The following USP40 variants were observed in gnomAD, a reference collection of about 807,000 sequenced individuals.
USP40 encodes the protein ubiquitin specific peptidase 40, also known as ubiquitin carboxyl-terminal hydrolase 40.
In USP40, 143 loss-of-function variants were observed where a neutral mutation model predicts 166.2. The observed-to-expected ratio is 0.86, with a 90% CI of 0.75 to 0.99. The LOEUF (loss-of-function observed/expected upper bound fraction) is 0.99, where lower values mean the gene tolerates loss of function less well. Ranked by LOEUF, USP40 falls within the 50% of genes least tolerant of loss-of-function variation. USP40 has a pLI of 0.00. For missense variants in USP40, 1,444 were observed against 1,479.7 expected (o/e 0.98, Z 0.40); for synonymous variants, 498 against 524.0 (o/e 0.95, Z 0.68).
At chr2:233,561,021 G>A (rs777923863) in intron 3 of USP40, 21 of 1,085,424 alleles carry the variant, frequency 1.9e-5, no homozygotes, top group Non-Finnish European at 1.5e-5. Flanking sequence ...TAGGGTATAG[G>A]CCAAGTCACT....
At chr2:233,543,317 G>C (rs374208509) in intron 8 of USP40, among the ~76,000 whole-genome samples, 1 of 152,154 alleles carries the variant, frequency 6.6e-6, no homozygotes, top group Admixed American at 6.5e-5. Context: ...AAAAATGCTA[G>C]ATAAAGTAAA....
chr2:233,520,548 C>T (rs560126445), intron 17 of USP40, among the ~76,000 whole-genome samples: 9 of 152,084 alleles, frequency 5.9e-5, no homozygotes, highest in African/African-American at 1.7e-4. Flanking sequence ...CTTTTAAGAA[C>T]ACCTGGCTTT....
At chr2:233,499,793 T>C (rs550382784) in intron 22 of USP40, 86 bp downstream of exon 22, 2 of 1,171,784 alleles carry the variant, frequency 1.7e-6, no homozygotes, top group Non-Finnish European at 1.2e-6. Flanking sequence ...TATAAATTTT[T>C]TTTTCCTACA....
intron 13 of USP40, among the ~76,000 whole-genome samples, chr2:233,526,331 T>A (rs986156551): frequency 1.3e-5 from 2 of 152,134 alleles, no homozygotes; most frequent in African/African-American, 4.8e-5. Context: ...GTGAATAAGA[T>A]CCTTTCCATT....
At chr2:233,492,173 A>G (rs1392019027) in intron 25 of USP40, among the ~76,000 whole-genome samples, 3 of 152,250 alleles carry the variant, frequency 2.0e-5, no homozygotes, top group Non-Finnish European at 4.4e-5. Context: ...TAGATACACA[A>G]ACACCTGCCA....
intron 30 of USP40, among the ~76,000 whole-genome samples, 178 bp downstream of exon 30, chr2:233,485,353 A>C (rs1288421791): frequency 6.6e-6 from 1 of 152,160 alleles, no homozygotes; most frequent in African/African-American, 2.4e-5. Context: ...TTGGATACTG[A>C]GGTTTCAGTG....
chr2:233,481,225 G>A lies in USP40; in HGVS notation c.3577C>T (p.Arg1193Trp), dbSNP rs550603137. Residue 1193 changes from arginine to tryptophan, a missense_variant, in exon 31 of 32, where the codon CGG becomes TGG. By Grantham distance (101) the Arg-to-Trp change is moderately radical (BLOSUM62 -3). Transcript: ENST00000678225. ...DDTGKEKQKQ[R>W]ALGRRKSQEA... ...TACCTTTTCCTTCTCCCCAGGGCCC[G>A]TTGTTTCTGCTTTTCTTTTCCAGTG... 3.5e-5 allele frequency: 56 copies of A among 1,607,450 alleles called. No individual in the cohort carries two copies. The South Asian group carries it at 3.7e-4, about 11-fold the overall frequency.
Position 233,523,131 on chromosome 2 carries a change from T to C in USP40, c.2201+39A>G, listed in dbSNP as rs752310606. On this transcript the variant is annotated intron_variant, in intron 16 of 31. Transcript: ENST00000678225. ...CTGCTGGGTGGTACTGTAATTAAAA[T>C]GACTTTTAGAAATCCTTTTTCTCTT... The C allele has an allele frequency of 2.6e-6, 4 of 1,559,710 alleles. No individual in the cohort carries two copies. In the East Asian group the frequency reaches 9.0e-5, roughly 35 times the overall value.
intron 25 of USP40, among the ~76,000 whole-genome samples, chr2:233,492,157 T>G (rs1221668915): frequency 6.6e-6 from 1 of 152,252 alleles, no homozygotes; most frequent in African/African-American, 2.4e-5. Context: ...TGTACCTTTT[T>G]CTGTTTAGAT....
intron 21 of USP40, among the ~76,000 whole-genome samples, chr2:233,501,383 T>A (rs2066062708): frequency 6.6e-6 from 1 of 152,166 alleles, no homozygotes; most frequent in South Asian, 2.1e-4. Flanking sequence ...ACTTCACCTC[T>A]TACTCTGGGT....
At chr2:233,542,182 C>A (rs562587576) in intron 9 of USP40, 86 bp downstream of exon 9, 1 of 619,082 alleles carries the variant, frequency 1.6e-6, no homozygotes, top group Non-Finnish European at 2.5e-6. Flanking sequence ...GCAATTAAAC[C>A]GCATACATTC....
At chr2:233,494,978 AT>A (rs1559224557) in intron 24 of USP40, among the ~76,000 whole-genome samples, 2 of 107,078 alleles carry the variant, frequency 1.9e-5, no homozygotes, top group African/African-American at 8.5e-5. Flanking sequence ...ATATATATAT[AT>A]ACACACACAT....
chr2:233,479,123 T>A (rs866674861), intron 31 of USP40, among the ~76,000 whole-genome samples: 1 of 152,348 alleles, frequency 6.6e-6, no homozygotes. Flanking sequence ...TTTTAAAATG[T>A]GCTATCTCAA....
At position 233,493,676 on chromosome 2, in the gene USP40, G is replaced by T; in HGVS notation, c.2791-125C>A. ...CTTGAACTTATCATTTTTCCTTTTA[G>T]ATTTATTAACTGTCATAAATTATAC... On this transcript the variant is annotated intron_variant, in intron 24 of 31. Transcript: ENST00000678225. The surrounding 1 kb of genome is among the most constrained non-coding windows in gnomAD (Gnocchi z 4.7). 8.6e-7 allele frequency: 1 copy of T among 1,158,396 alleles called. No homozygotes were observed. The allele number at this position is 1,158,396 out of a possible 1,614,324, so 71.8% of individuals were successfully genotyped here. A position where few individuals can be genotyped will look rare whatever the true frequency, so the allele number is the denominator to read the frequency against.
chr2:233,529,314 C>G lies in USP40; in HGVS notation c.1553+117G>C, dbSNP rs1258375263. ...AATTCAGCAGCCAAACAGACACTTG[C>G]ATTAACAAGTTGACTATTTTTTTTC... On this transcript the variant is annotated intron_variant, in intron 12 of 31. Transcript: ENST00000678225. 4 of 779,008 alleles carry G rather than the reference C, an allele frequency of 5.1e-6. No individual in the cohort carries two copies. The East Asian group carries it at 1.2e-4, about 23-fold the overall frequency. The allele number at this position is 779,008 out of a possible 1,614,324, so 48.3% of individuals were successfully genotyped here.
In USP40 at chr2:233,501,994, A is replaced by G. The variant is rs1455905987; in HGVS notation, c.2614-2079T>C. 2.6e-5 allele frequency among the ~76,000 whole-genome samples: 4 copies of G among 152,304 alleles called. No homozygotes were observed. In the East Asian group the frequency reaches 7.7e-4, roughly 29 times the overall value. ...TGTGGTCTTCTGGAGCCCAGTGACA[A>G]AAGTGTTTCAAAGAATAGAGTCATC... On this transcript the variant is annotated intron_variant, in intron 21 of 31. Transcript: ENST00000678225.
At chr2:233,561,714 A>C (rs1476913533) in intron 3 of USP40, among the ~76,000 whole-genome samples, 1 of 150,994 alleles carries the variant, frequency 6.6e-6, no homozygotes, top group African/African-American at 2.5e-5. Context: ...CAAAATTGAC[A>C]AATGGGATCT....
rs753849251 is a variant in USP40, at chr2:233,557,039, T to C, written c.382-20A>G. On this transcript the variant is annotated intron_variant, in intron 4 of 31. Coordinates refer to ENST00000678225, the MANE Select transcript of USP40 (RefSeq NM_001365479.2). ...CATTTCCTACAAAACAGGTAACTTT[T>C]AGATGTAATTCCGGGCTTCAGATTT... is the stretch of plus-strand genomic sequence containing the variant. The C allele has an allele frequency of 9.4e-6, 15 of 1,591,856 alleles. No individual in the cohort carries two copies. The East Asian group carries it at 2.9e-4, about 31-fold the overall frequency.
At chr2:233,538,663 TTA>T (rs1320985387) in intron 10 of USP40, among the ~76,000 whole-genome samples, 1 of 152,152 alleles carries the variant, frequency 6.6e-6, no homozygotes, top group African/African-American at 2.4e-5. Flanking sequence ...ATAAGAAAGC[TTA>T]TATGGCTACA....
Sources: gnomAD v4.1 joint callset for allele counts (sites outside exome capture counted in the v4.1 genomes callset) on GRCh38, gnomAD v4.1.1 for gene constraint, Gnocchi (gnomAD v3.1) non-coding constraint, MANE v1.5 for transcripts, NCBI Gene and HGNC (gene_info 2026-07-23, HGNC 2026-07-21) for gene names.